Variants in CTNNA1 observed in about 807,000 individuals in gnomAD.
The protein encoded by CTNNA1 is catenin alpha-1.
Under a neutral mutation model 98.4 loss-of-function variants are expected in CTNNA1, and 37 were observed. The observed-to-expected ratio is 0.38, with a 90% CI of 0.29 to 0.49. CTNNA1 has a LOEUF of 0.49. Among genes scored for constraint, CTNNA1 ranks in the 20% least tolerant of loss-of-function variants. The probability of loss-of-function intolerance (pLI) is 0.95; values close to 1 mark genes in which losing one functional copy is unlikely to be tolerated. For synonymous variants in CTNNA1, 404 were observed against 413.2 expected, an observed-to-expected ratio of 0.98 and a Z score of 0.27; for missense variants, 761 against 1,147.2, an observed-to-expected ratio of 0.66 and a Z score of 4.86.
At chr5:138,828,641 A>T (rs1323901254) in intron 7 of CTNNA1, among the ~76,000 whole-genome samples, 1 of 152,044 alleles carries the variant, frequency 6.6e-6, no homozygotes, top group Admixed American at 6.6e-5. Flanking sequence ...TTTAACACCT[A>T]AAAAAAAGAT....
chr5:138,849,997 C>T (rs1352122845), intron 7 of CTNNA1, among the ~76,000 whole-genome samples: 9 of 152,112 alleles, frequency 5.9e-5, no homozygotes, highest in Non-Finnish European at 7.3e-5. Context: ...AAAACACACA[C>T]ACACACACAC....
At chr5:138,905,615 A>G (rs1490786795) in intron 10 of CTNNA1, among the ~76,000 whole-genome samples, 6 of 152,222 alleles carry the variant, frequency 3.9e-5, no homozygotes, top group East Asian at 1.9e-4. Context: ...TTATAATAGT[A>G]TATTGGAAGA....
At chr5:138,865,059 G>A (rs929909200) in intron 7 of CTNNA1, among the ~76,000 whole-genome samples, 3 of 152,060 alleles carry the variant, frequency 2.0e-5, no homozygotes, top group Non-Finnish European at 4.4e-5. Flanking sequence ...TGATCCACCC[G>A]CCTCTGCCTC....
In CTNNA1 at chr5:138,860,434, G is replaced by C. The variant is rs144554975; in HGVS notation, c.1063-25778G>C. On this transcript the variant is annotated intron_variant, in intron 7 of 17. Coordinates refer to ENST00000302763, the MANE Select transcript of CTNNA1 (RefSeq NM_001903.5). ...AAACTAAGAAAATTCCTGACCACCT[G>C]CTGTTAGATTTTCATGTGGAATAAT... is the stretch of plus-strand genomic sequence containing the variant. 1.8e-4 allele frequency among the ~76,000 whole-genome samples: 28 copies of C among 152,268 alleles called. No individual in the cohort carries two copies. In the East Asian group the frequency reaches 5.2e-3, roughly 28 times the overall value.
At chr5:138,758,521 C>T (rs1362426314) in intron 1 of CTNNA1, among the ~76,000 whole-genome samples, 1 of 152,096 alleles carries the variant, frequency 6.6e-6, no homozygotes. Context: ...GGACTACAGG[C>T]ACATGCCACC....
At chr5:138,850,008 T>A (rs1473333188) in intron 7 of CTNNA1, among the ~76,000 whole-genome samples, 3 of 150,536 alleles carry the variant, frequency 2.0e-5, no homozygotes, top group Non-Finnish European at 4.4e-5. Context: ...ACACACACAC[T>A]CTCTCTCTTA....
chr5:138,884,122 A>T (rs537830563), intron 7 of CTNNA1, among the ~76,000 whole-genome samples: 34 of 152,240 alleles, frequency 2.2e-4, no homozygotes, highest in Admixed American at 2.2e-3. Flanking sequence ...GTAGACATCA[A>T]TCAACACATG....
chr5:138,927,129 C>T (rs1764237069), intron 13 of CTNNA1, among the ~76,000 whole-genome samples: 1 of 152,172 alleles, frequency 6.6e-6, no homozygotes, highest in Non-Finnish European at 1.5e-5. Context: ...AGGTGCCACT[C>T]AGCTGGTTCC....
chr5:138,876,725 C>A (rs925699750), intron 7 of CTNNA1, among the ~76,000 whole-genome samples: 2 of 152,192 alleles, frequency 1.3e-5, no homozygotes, highest in South Asian at 4.1e-4. Flanking sequence ...CTGGGCAGAT[C>A]TAAGAAGTAA....
chr5:138,880,293 G>C (rs1012263966), intron 7 of CTNNA1: 2 of 152,136 alleles, frequency 1.3e-5, no homozygotes, highest in South Asian at 4.1e-4. Flanking sequence ...CTACAGGTGC[G>C]TACCACCATG....
At chr5:138,781,793 A>T in intron 1 of CTNNA1, 130 bp from the exon 2 acceptor site, 2 of 709,926 alleles carry the variant, frequency 2.8e-6, no homozygotes, top group Non-Finnish European at 4.4e-6. Flanking sequence ...TGTGTAGGCT[A>T]GTTAGAATTT....
chr5:138,866,141 G>C (rs901416573), intron 7 of CTNNA1, among the ~76,000 whole-genome samples: 1 of 152,078 alleles, frequency 6.6e-6, no homozygotes, highest in Non-Finnish European at 1.5e-5. Flanking sequence ...GTGAAACTCT[G>C]TCTCTACCAA....
At chr5:138,826,839 C>T (rs994113139) in intron 6 of CTNNA1, among the ~76,000 whole-genome samples, 9 of 152,142 alleles carry the variant, frequency 5.9e-5, no homozygotes, top group Non-Finnish European at 8.8e-5. Flanking sequence ...GCTCTGTTAC[C>T]CAGGCTGGAG....
chr5:138,857,766 A>G (rs1037883702), intron 7 of CTNNA1, among the ~76,000 whole-genome samples: 1 of 152,248 alleles, frequency 6.6e-6, no homozygotes, highest in Admixed American at 6.5e-5. Context: ...GAGGTGCTAT[A>G]CTTTGAACCC....
intron 4 of CTNNA1, among the ~76,000 whole-genome samples, chr5:138,811,097 G>C (rs1388936418): frequency 6.6e-6 from 1 of 151,478 alleles, no homozygotes; most frequent in Non-Finnish European, 1.5e-5. Flanking sequence ...GTTGCCGGGC[G>C]GAGGGGCTCC....
chr5:138,852,718 C>G (rs1763311480), intron 7 of CTNNA1, among the ~76,000 whole-genome samples: 1 of 151,702 alleles, frequency 6.6e-6, no homozygotes, highest in African/African-American at 2.4e-5. Context: ...CCTGATTTCC[C>G]TCCTTCCCTT....
intron 7 of CTNNA1, among the ~76,000 whole-genome samples, chr5:138,838,162 A>G (rs1318287808): frequency 6.6e-6 from 1 of 152,230 alleles, no homozygotes; most frequent in Non-Finnish European, 1.5e-5. Flanking sequence ...CAGCCTCCCA[A>G]AGTTCTGGGA....
intron 3 of CTNNA1, among the ~76,000 whole-genome samples, chr5:138,807,008 CTT>C (rs1321047490): frequency 6.3e-5 from 7 of 111,456 alleles, no homozygotes; most frequent in South Asian, 3.1e-4. Context: ...AGATGTTGGA[CTT>C]TTTTTTTTTT....
intron 10 of CTNNA1, among the ~76,000 whole-genome samples, chr5:138,913,401 T>C (rs906014290): frequency 4.6e-5 from 7 of 152,092 alleles, no homozygotes; most frequent in African/African-American, 1.4e-4. Context: ...CTGACCAATA[T>C]GGTGAAACCT....
Sources: allele counts gnomAD v4.1 joint callset (sites outside exome capture counted in the v4.1 genomes callset), GRCh38; gene constraint gnomAD v4.1.1; transcripts MANE v1.5; gene names NCBI Gene and HGNC (gene_info 2026-07-23, HGNC 2026-07-21).